Variants in RFX8 observed in about 807,000 individuals in gnomAD.
RFX8 encodes regulatory factor X8.
A neutral mutation model predicts 54.6 loss-of-function variants in RFX8; 46 were observed. The ratio of observed to expected loss-of-function variants is 0.84; its 90% confidence interval spans 0.67 to 1.08. The LOEUF (loss-of-function observed/expected upper bound fraction) is 1.08. Among genes scored for constraint, RFX8 ranks in the 50% least tolerant of loss-of-function variants. The pLI is 0.00. For synonymous variants in RFX8, 192 were observed against 209.5 expected, an observed-to-expected ratio of 0.92 and a Z score of 0.72; for missense variants, 536 against 562.3, an observed-to-expected ratio of 0.95 and a Z score of 0.47.
chr2:101,462,849 A>C (rs1242144871), intron 2 of RFX8, among the ~76,000 whole-genome samples: 4 of 152,104 alleles, frequency 2.6e-5, no homozygotes, highest in Non-Finnish European at 4.4e-5. Context: ...CTACCTATTT[A>C]TCTTTATCAG....
chr2:101,441,855 G>T (rs1688113854), intron 2 of RFX8, among the ~76,000 whole-genome samples: 1 of 152,122 alleles, frequency 6.6e-6, no homozygotes, highest in African/African-American at 2.4e-5. Flanking sequence ...AATTCACTCT[G>T]CCAGTCTTGT....
chr2:101,456,750 C>G (rs1294332012), intron 2 of RFX8, among the ~76,000 whole-genome samples: 2 of 152,006 alleles, frequency 1.3e-5, no homozygotes, highest in Non-Finnish European at 2.9e-5. Flanking sequence ...GGGAAGATTC[C>G]CTTTTTCTAT....
At chr2:101,410,526 T>C in intron 9 of RFX8, 93 bp downstream of exon 9, 1 of 692,600 alleles carries the variant, frequency 1.4e-6, no homozygotes, top group Non-Finnish European at 2.5e-6. Context: ...GACCAGAGCC[T>C]AAGAAGCCTC....
chr2:101,466,362 A>G (rs1020592387), intron 2 of RFX8, among the ~76,000 whole-genome samples: 6 of 151,746 alleles, frequency 4.0e-5, no homozygotes, highest in Admixed American at 3.3e-4. Flanking sequence ...AGAGCCAATG[A>G]GTTCTCTCAG....
At chr2:101,439,057 C>T (rs2148955180) in intron 2 of RFX8, among the ~76,000 whole-genome samples, 1 of 152,268 alleles carries the variant, frequency 6.6e-6, no homozygotes, top group South Asian at 2.1e-4. Context: ...AGGTGATCCA[C>T]CTGCCTCAGT....
chr2:101,470,350 C>G (rs1689906542), intron 1 of RFX8, among the ~76,000 whole-genome samples: 1 of 152,154 alleles, frequency 6.6e-6, no homozygotes, highest in African/African-American at 2.4e-5. Flanking sequence ...CACAGAGCAC[C>G]TGCTGTAGGT....
intron 1 of RFX8, among the ~76,000 whole-genome samples, chr2:101,467,215 T>C (rs935439795): frequency 3.9e-5 from 6 of 152,240 alleles, no homozygotes; most frequent in African/African-American, 7.2e-5. Flanking sequence ...CGCTGTTTCA[T>C]AGACCTTTAC....
rs111803376 is a variant in RFX8 at position 101,473,018 on chromosome 2, C to CA, written c.-53+1617dup. On this transcript the variant is annotated intron_variant, in intron 1 of 11. Transcript: ENST00000428343. ...TGGGCAACAGAGCAAGACTCTGTCA[C>CA]AAAAAAAAAAGAGAGAAAAGAAAGA... Among the ~76,000 whole-genome samples the CA allele has an allele frequency of 6.1e-3, 867 of 143,070 alleles. 13 individuals are homozygous for CA. The highest frequency in any genetic ancestry group is 0.03 in the South Asian group (136 of 4,512). 93.9% of individuals were successfully genotyped at this position (143,070 alleles called of 152,430 possible).
At chr2:101,431,873 C>A (rs1252677784) in intron 2 of RFX8, among the ~76,000 whole-genome samples, 1 of 152,088 alleles carries the variant, frequency 6.6e-6, no homozygotes, top group Non-Finnish European at 1.5e-5. Flanking sequence ...TGCCATCACC[C>A]TCCTCATCTT....
At chr2:101,471,296 T>A (rs1209204930) in intron 1 of RFX8, among the ~76,000 whole-genome samples, 1 of 151,960 alleles carries the variant, frequency 6.6e-6, no homozygotes, top group African/African-American at 2.4e-5. Flanking sequence ...ATTGTGCCAC[T>A]GCACTCCAGG....
intron 2 of RFX8, among the ~76,000 whole-genome samples, chr2:101,450,068 T>C (rs1688594535): frequency 1.3e-5 from 2 of 152,190 alleles, no homozygotes; most frequent in South Asian, 2.1e-4. Flanking sequence ...TGGATTTCTC[T>C]GGCCAATGAC....
chr2:101,411,147 G>A (rs1323064190), intron 8 of RFX8, among the ~76,000 whole-genome samples: 2 of 152,174 alleles, frequency 1.3e-5, no homozygotes, highest in African/African-American at 4.8e-5. Context: ...CCTTGCCTGC[G>A]GTTATGCACT....
At chr2:101,435,804 A>G (rs975008056) in intron 2 of RFX8, among the ~76,000 whole-genome samples, 7 of 147,526 alleles carry the variant, frequency 4.7e-5, no homozygotes, top group African/African-American at 1.8e-4. Flanking sequence ...CATATGGCAC[A>G]CATTGCACAT....
At chr2:101,474,150 C>A (rs933744456) in intron 1 of RFX8, 2 of 591,954 alleles carry the variant, frequency 3.4e-6, no homozygotes, top group Admixed American at 3.2e-5. Flanking sequence ...CACGCTTCCC[C>A]TCCCCGGCCC....
chr2:101,419,052 A>G lies in RFX8; in HGVS notation c.238-88T>C, dbSNP rs540297770. On this transcript the variant is annotated intron_variant, in intron 4 of 11. Transcript: ENST00000428343. ...GCCACAGATACTTCCTTAGCCCCAG[A>G]TGACAATGGGATGAATTTTGTTCCA... The G allele has an allele frequency of 3.9e-5, 26 of 668,480 alleles. No homozygotes were observed. In the South Asian group the frequency reaches 4.7e-4, roughly 12 times the overall value. 41.4% of individuals were successfully genotyped at this position (668,480 alleles called of 1,614,324 possible).
intron 10 of RFX8, among the ~76,000 whole-genome samples, chr2:101,405,742 A>G (rs1232932748): frequency 6.6e-6 from 1 of 152,184 alleles, no homozygotes; most frequent in African/African-American, 2.4e-5. Context: ...AGCATGGTCC[A>G]TCTGTTTGAC....
chr2:101,413,180 G>T, intron 7 of RFX8, 109 bp from the exon 8 acceptor site: 1 of 816,068 alleles, frequency 1.2e-6, no homozygotes, highest in Non-Finnish European at 2.0e-6. Flanking sequence ...AAGAAACATT[G>T]ATGTGGATAT....
chr2:101,451,724 CG>C (rs1313538751), intron 2 of RFX8, among the ~76,000 whole-genome samples: 35 of 149,072 alleles, frequency 2.3e-4, no homozygotes, highest in African/African-American at 8.4e-4. Flanking sequence ...AATATAGCCT[CG>C]GGACCGCACC....
At chr2:101,419,534 C>T (rs558936118) in intron 4 of RFX8, among the ~76,000 whole-genome samples, 1 of 152,220 alleles carries the variant, frequency 6.6e-6, no homozygotes, top group Non-Finnish European at 1.5e-5. Flanking sequence ...TTTTTTCCCA[C>T]GTTGACTTTT....
Sources: gnomAD v4.1 joint callset for allele counts (sites outside exome capture counted in the v4.1 genomes callset) on GRCh38, gnomAD v4.1.1 for gene constraint, MANE v1.5 for transcripts, NCBI Gene and HGNC (gene_info 2026-07-23, HGNC 2026-07-21) for gene names.